EXOC4: variants seen among roughly 807,000 people sequenced by gnomAD.
EXOC4 encodes the protein exocyst complex component 4.
A neutral mutation model predicts 107.2 loss-of-function variants in EXOC4; 71 were observed. That is an observed-to-expected ratio of 0.66 (90% CI 0.55 to 0.81). EXOC4 has a LOEUF of 0.81. Ranked by LOEUF, EXOC4 falls within the 30% of genes least tolerant of loss-of-function variation. The pLI is 0.00. For synonymous variants in EXOC4, 456 were observed against 441.2 expected (o/e 1.03, Z -0.42); for missense variants, 1,108 against 1,189.6 (o/e 0.93, Z 1.01).
At chr7:133,442,492 G>A (rs575778389) in intron 7 of EXOC4, among the ~76,000 whole-genome samples, 10 of 152,302 alleles carry the variant, frequency 6.6e-5, no homozygotes, top group South Asian at 4.1e-4. Flanking sequence ...GTGATGGTAT[G>A]CTGTGCTTAA....
At chr7:133,696,222 C>T (rs557609381) in intron 10 of EXOC4, among the ~76,000 whole-genome samples, 145 of 152,278 alleles carry the variant, frequency 9.5e-4, no homozygotes, top group Middle Eastern at 3.4e-3. Flanking sequence ...TCCCTTTCTA[C>T]GATCATGCCA....
At chr7:133,621,832 C>G (rs1007767793) in intron 9 of EXOC4, among the ~76,000 whole-genome samples, 103 of 152,232 alleles carry the variant, frequency 6.8e-4, no homozygotes, top group African/African-American at 2.4e-3. Flanking sequence ...CAAACCATAG[C>G]TTTTTTCTGT....
intron 17 of EXOC4, among the ~76,000 whole-genome samples, chr7:134,009,637 T>C (rs1260038453): frequency 6.6e-6 from 1 of 152,178 alleles, no homozygotes; most frequent in Non-Finnish European, 1.5e-5. Flanking sequence ...TTGGTCGCTC[T>C]TATGGGGAAT....
intron 5 of EXOC4, among the ~76,000 whole-genome samples, chr7:133,335,501 G>A (rs182946790): frequency 3.3e-5 from 5 of 152,202 alleles, no homozygotes; most frequent in African/African-American, 7.2e-5. Flanking sequence ...AATATTTTCA[G>A]CATTTGTCCA....
intron 11 of EXOC4, among the ~76,000 whole-genome samples, chr7:133,844,770 T>G (rs533597524): frequency 6.6e-6 from 1 of 152,124 alleles, no homozygotes; most frequent in South Asian, 2.1e-4. Context: ...TAGAACAACA[T>G]CAAAGTATCA....
At chr7:134,008,434 T>C (rs1794693679) in intron 17 of EXOC4, among the ~76,000 whole-genome samples, 1 of 152,218 alleles carries the variant, frequency 6.6e-6, no homozygotes, top group Admixed American at 6.5e-5. Flanking sequence ...AAATGAGCCA[T>C]ATTTATTTTT....
chr7:133,451,197 A>G (rs934001113), intron 7 of EXOC4, among the ~76,000 whole-genome samples: 16 of 149,660 alleles, frequency 1.1e-4, no homozygotes, highest in South Asian at 2.1e-4. Flanking sequence ...GTGTGGGTCC[A>G]GATTTTTTTT....
At chr7:133,464,239 G>C (rs887989709) in intron 7 of EXOC4, among the ~76,000 whole-genome samples, 1 of 152,294 alleles carries the variant, frequency 6.6e-6, no homozygotes, top group Non-Finnish European at 1.5e-5. Context: ...ATAGGTAAAC[G>C]TGTGCTTCTA....
intron 10 of EXOC4, among the ~76,000 whole-genome samples, chr7:133,762,948 A>C (rs1299801829): frequency 2.0e-5 from 3 of 152,122 alleles, no homozygotes; most frequent in African/African-American, 7.2e-5. Flanking sequence ...TATATCATGT[A>C]TATATTAATA....
chr7:133,739,213 T>C (rs1173552790), intron 10 of EXOC4, among the ~76,000 whole-genome samples: 1 of 142,342 alleles, frequency 7.0e-6, no homozygotes, highest in Admixed American at 7.1e-5. Flanking sequence ...GAAGCACATG[T>C]AGAGGGGTTT....
chr7:133,404,916 A>G (rs565649448), intron 7 of EXOC4, among the ~76,000 whole-genome samples: 212 of 122,176 alleles, frequency 1.7e-3, no homozygotes, highest in Middle Eastern at 0.016. Flanking sequence ...ACACACACAC[A>G]CACACACATT....
chr7:133,429,742 A>T (rs1797811368), intron 7 of EXOC4, among the ~76,000 whole-genome samples: 1 of 152,178 alleles, frequency 6.6e-6, no homozygotes, highest in African/African-American at 2.4e-5. Flanking sequence ...CATTTAGCAT[A>T]ATGTTTTCAA....
At position 133,281,293 on chromosome 7, in the gene EXOC4, T is replaced by A. The variant is rs564273790; in HGVS notation, c.276+6122T>A. 6.1e-5 allele frequency among the ~76,000 whole-genome samples: 8 copies of A among 130,632 alleles called. No individual in the cohort carries two copies. In the South Asian group the frequency reaches 1.2e-3, roughly 19 times the overall value. 85.7% of individuals were successfully genotyped at this position (130,632 alleles called of 152,430 possible). ...AAACTTAAAGTGTAATAATAAAAAA[T>A]AAATAAATAAATAAATAAAAAGAAA... On this transcript the variant is annotated intron_variant, in intron 2 of 17. Coordinates refer to ENST00000253861, the MANE Select transcript of EXOC4 (RefSeq NM_021807.4).
At chr7:133,292,836 G>A (rs1370010580) in intron 3 of EXOC4, among the ~76,000 whole-genome samples, 1 of 152,174 alleles carries the variant, frequency 6.6e-6, no homozygotes, top group East Asian at 1.9e-4. Context: ...CAAATCATTA[G>A]CTAAATGGGT....
intron 9 of EXOC4, among the ~76,000 whole-genome samples, chr7:133,600,380 T>TA (rs770707993): frequency 2.0e-5 from 3 of 152,222 alleles, no homozygotes; most frequent in African/African-American, 7.2e-5. Context: ...GAGGAGAATA[T>TA]AATTGCAAAG....
rs925885334 is a variant in EXOC4 at position 133,682,167 on chromosome 7, C to T, written c.1514+52026C>T. On this transcript the variant is annotated intron_variant, in intron 10 of 17. Transcript: ENST00000253861. ...GGCACCTTGTCCTCCCAAAGTGCTG[C>T]GATTACAGGAGTAATCCACCATGCC... Among the ~76,000 whole-genome samples, 7 of 152,124 alleles carry T rather than the reference C, an allele frequency of 4.6e-5. No homozygotes were observed. In the East Asian group the frequency reaches 7.8e-4, roughly 17 times the overall value.
chr7:133,739,754 A>T (rs1795525102), intron 10 of EXOC4, among the ~76,000 whole-genome samples: 1 of 152,226 alleles, frequency 6.6e-6, no homozygotes, highest in Non-Finnish European at 1.5e-5. Flanking sequence ...AATGCAGTTC[A>T]GCCTGGCCAA....
intron 17 of EXOC4, among the ~76,000 whole-genome samples, chr7:134,063,181 C>G (rs1033804737): frequency 2.0e-5 from 3 of 152,188 alleles, no homozygotes; most frequent in Non-Finnish European, 4.4e-5. Context: ...TCTGCACTCC[C>G]CAGTCTAACC....
intron 17 of EXOC4, among the ~76,000 whole-genome samples, chr7:134,040,534 G>T (rs1283911889): frequency 1.3e-5 from 2 of 151,976 alleles, no homozygotes; most frequent in Non-Finnish European, 2.9e-5. Flanking sequence ...TCATTGCCAT[G>T]TTACTTGAAA....
Sources: allele counts gnomAD v4.1 joint callset (sites outside exome capture counted in the v4.1 genomes callset), GRCh38; gene constraint gnomAD v4.1.1; transcripts MANE v1.5; gene names NCBI Gene and HGNC (gene_info 2026-07-23, HGNC 2026-07-21).